The following NR5A2 variants were observed in gnomAD, a reference collection of about 807,000 sequenced individuals.
NR5A2 encodes CYP7A promoter-binding factor.
In NR5A2, 26 loss-of-function variants were observed where a neutral mutation model predicts 62.7. That is an observed-to-expected ratio of 0.41 (90% CI 0.30 to 0.58). The LOEUF is 0.58. NR5A2 is among the 20% of genes least tolerant of loss of function. The pLI, the probability that NR5A2 is intolerant of heterozygous loss-of-function variation, is 0.22. For synonymous variants in NR5A2, 246 were observed against 241.7 expected (o/e 1.02, Z -0.16); for missense variants, 541 against 669.1 (o/e 0.81, Z 2.11).
At chr1:200,163,309 A>ATGTT (rs1253117760) in intron 7 of NR5A2, among the ~76,000 whole-genome samples, 17 of 151,336 alleles carry the variant, frequency 1.1e-4, no homozygotes, top group Non-Finnish European at 2.5e-4. Flanking sequence ...AAAAAGAAAA[A>ATGTT]TGTTGGTTTA....
At chr1:200,064,045 A>G (rs1475180715) in intron 5 of NR5A2, among the ~76,000 whole-genome samples, 1 of 151,956 alleles carries the variant, frequency 6.6e-6, no homozygotes. Flanking sequence ...GCAACTCAGG[A>G]GTCTGAGGCA....
intron 7 of NR5A2, among the ~76,000 whole-genome samples, chr1:200,155,149 C>G (rs775775033): frequency 3.9e-5 from 6 of 152,126 alleles, no homozygotes; most frequent in Admixed American, 6.5e-5. Flanking sequence ...CACCACCAAC[C>G]AATGCAGAAG....
chr1:200,102,149 A>T (rs1233477377), intron 5 of NR5A2, among the ~76,000 whole-genome samples: 1 of 152,360 alleles, frequency 6.6e-6, no homozygotes, highest in African/African-American at 2.4e-5. Context: ...TATATCGTGT[A>T]TACCATGCGG....
chr1:200,060,841 T>C (rs926827596), intron 5 of NR5A2, among the ~76,000 whole-genome samples: 7 of 150,642 alleles, frequency 4.6e-5, no homozygotes, highest in African/African-American at 1.7e-4. Flanking sequence ...TGATGGCTCA[T>C]GCCTGTAATC....
chr1:200,158,461 A>T (rs527709319), intron 7 of NR5A2, among the ~76,000 whole-genome samples: 3 of 152,242 alleles, frequency 2.0e-5, no homozygotes, highest in Non-Finnish European at 4.4e-5. Context: ...CCTCTAAAAC[A>T]TCTTCAACAT....
chr1:200,129,022 T>G (rs1327236851), intron 7 of NR5A2, among the ~76,000 whole-genome samples: 2 of 152,176 alleles, frequency 1.3e-5, no homozygotes, highest in African/African-American at 4.8e-5. Flanking sequence ...TCCCTTTACT[T>G]AAGTGTGTGC....
intron 5 of NR5A2, among the ~76,000 whole-genome samples, chr1:200,059,492 C>T (rs969021747): frequency 7.9e-5 from 12 of 152,202 alleles, no homozygotes; most frequent in Non-Finnish European, 1.6e-4. Context: ...TTCCAGCAGG[C>T]ACACAGATTG....
At chr1:200,140,392 A>T (rs1667393988) in intron 7 of NR5A2, among the ~76,000 whole-genome samples, 1 of 152,056 alleles carries the variant, frequency 6.6e-6, no homozygotes, top group Non-Finnish European at 1.5e-5. Flanking sequence ...TTTTCTTTTA[A>T]TGTTTTGATC....
intron 7 of NR5A2, among the ~76,000 whole-genome samples, chr1:200,172,041 A>G (rs893704826): frequency 4.6e-5 from 7 of 152,196 alleles, no homozygotes; most frequent in African/African-American, 1.7e-4. Context: ...GCAAATTTCT[A>G]CATCCTCTCT....
intron 6 of NR5A2, among the ~76,000 whole-genome samples, chr1:200,119,365 T>A (rs961279999): frequency 6.6e-6 from 1 of 152,200 alleles, no homozygotes; most frequent in Non-Finnish European, 1.5e-5. Context: ...TACAGTCTGC[T>A]CTGGGTGAGT....
rs556459081 is a variant in NR5A2 at position 200,046,517 on chromosome 1, T to C, written c.463+933T>C. 6.6e-5 allele frequency among the ~76,000 whole-genome samples: 10 copies of C among 152,294 alleles called. No individual in the cohort carries two copies. In the East Asian group the frequency reaches 1.5e-3, roughly 23 times the overall value. ...CACAGGCTATTTTTATTTGGAACTT[T>C]TCTGTTATATGGAACTCATACTTGA... On this transcript the variant is annotated intron_variant, in intron 4 of 7. Transcript: ENST00000367362.
rs145690185 is a variant in NR5A2 at position 200,122,460 on chromosome 1, A to G, written c.1378+1505A>G. Among the ~76,000 whole-genome samples the G allele has an allele frequency of 5.8e-3, 890 of 152,362 alleles. 5 individuals are homozygous for G. Among genetic ancestry groups the G allele is most frequent in the Non-Finnish European group, 9.6e-3 (656 of 68,040 alleles). Reference sequence around the variant, plus strand: ...ATGGTATTTTAAATTAGTTGAAGAAATGTATTACATTTGAAGATGTACATA... The same window carrying G: ...ATGGTATTTTAAATTAGTTGAAGAAGTGTATTACATTTGAAGATGTACATA... On this transcript the variant is annotated intron_variant, in intron 7 of 7. Coordinates refer to ENST00000367362, the MANE Select transcript of NR5A2 (RefSeq NM_205860.3).
At chr1:200,069,261 C>CTTT (rs71132652) in intron 5 of NR5A2, among the ~76,000 whole-genome samples, 3 of 149,052 alleles carry the variant, frequency 2.0e-5, no homozygotes, top group Non-Finnish European at 1.5e-5. Flanking sequence ...AATTCATATT[C>CTTT]TTTTTTTTTT....
rs979949677 is a variant in NR5A2, at chr1:200,092,552, G to A, written c.1111-18650G>A. Among the ~76,000 whole-genome samples the A allele has an allele frequency of 4.6e-5, 7 of 152,128 alleles. No homozygotes were observed. In the East Asian group the frequency reaches 1.2e-3, roughly 25 times the overall value. ...TCCCTCCGTGAACTGGTTAGCTCAC[G>A]TGTGAATGGAGAGAGATAGATAGCT... On this transcript the variant is annotated intron_variant, in intron 5 of 7. Transcript: ENST00000367362.
At chr1:200,140,341 T>G (rs1667392394) in intron 7 of NR5A2, among the ~76,000 whole-genome samples, 1 of 152,174 alleles carries the variant, frequency 6.6e-6, no homozygotes, top group Non-Finnish European at 1.5e-5. Flanking sequence ...CCTCCCAAAG[T>G]GCTGGGATCA....
intron 7 of NR5A2, among the ~76,000 whole-genome samples, chr1:200,146,961 C>CTTT (rs34977677): frequency 0.024 from 3,480 of 146,952 alleles, 153 homozygotes; most frequent in African/African-American, 0.083. Flanking sequence ...TCCTTGTATC[C>CTTT]TTTTTTTTTT....
chr1:200,163,175 T>C (rs1375328802), intron 7 of NR5A2, among the ~76,000 whole-genome samples: 1 of 151,792 alleles, frequency 6.6e-6, no homozygotes, highest in Non-Finnish European at 1.5e-5. Flanking sequence ...GAGTTTGTGC[T>C]TTTCACTTGC....
At chr1:200,149,487 A>C (rs1667890251) in intron 7 of NR5A2, among the ~76,000 whole-genome samples, 1 of 152,100 alleles carries the variant, frequency 6.6e-6, no homozygotes. Context: ...CCATTATATT[A>C]GTCTGTTGGC....
rs935572343 is a variant in NR5A2, at chr1:200,174,771, A to C, written c.*561A>C. 3 of 152,632 alleles carry C rather than the reference A, an allele frequency of 2.0e-5. No homozygotes were observed. The highest frequency in any genetic ancestry group is 7.2e-5 in the African/African-American group (3 of 41,444). The allele number at this position is 152,632 out of a possible 1,614,324, so 9.5% of individuals were successfully genotyped here. A position where few individuals can be genotyped will look rare whatever the true frequency, so the allele number is the denominator to read the frequency against. On this transcript the variant is annotated 3_prime_UTR_variant, in exon 8 of 8. Transcript: ENST00000367362. Reference sequence around the variant, plus strand: ...GTACTAAGGACCTGTGTTCAGCCACACCCAGTGGTAGCTCCACCAAATCAT... The same window carrying C: ...GTACTAAGGACCTGTGTTCAGCCACCCCCAGTGGTAGCTCCACCAAATCAT...
Sources: allele counts gnomAD v4.1 joint callset (sites outside exome capture counted in the v4.1 genomes callset), GRCh38; gene constraint gnomAD v4.1.1; transcripts MANE v1.5; gene names NCBI Gene and HGNC (gene_info 2026-07-23, HGNC 2026-07-21).